RSRC1: variants seen among roughly 807,000 people sequenced by gnomAD.
RSRC1 encodes arginine and serine rich coiled-coil 1, also known as serine/Arginine-related protein 53.
RSRC1 carries 39 observed loss-of-function variants against 49.1 expected under a neutral mutation model. The observed-to-expected ratio is 0.79, with a 90% confidence interval of 0.61 to 1.04. The LOEUF (loss-of-function observed/expected upper bound fraction) is 1.04, where lower values mean the gene tolerates loss of function less well. Ranked by LOEUF, RSRC1 falls within the 50% of genes least tolerant of loss-of-function variation. The pLI is 0.00. For synonymous variants in RSRC1, 143 were observed against 130.8 expected (o/e 1.09, Z -0.63); for missense variants, 388 against 402.4 (o/e 0.96, Z 0.31).
At chr3:158,504,885 G>A (rs1479831745) in intron 7 of RSRC1, among the ~76,000 whole-genome samples, 1 of 152,178 alleles carries the variant, frequency 6.6e-6, no homozygotes, top group African/African-American at 2.4e-5. Flanking sequence ...TAGTTATTAA[G>A]TGTATTAGAT....
intron 6 of RSRC1, among the ~76,000 whole-genome samples, chr3:158,420,307 G>A (rs1734971603): frequency 1.3e-5 from 2 of 151,966 alleles, no homozygotes; most frequent in African/African-American, 4.8e-5. Context: ...AAATTTGGTT[G>A]AAAGTAGTAA....
chr3:158,145,524 G>T (rs1234631744), intron 3 of RSRC1, among the ~76,000 whole-genome samples: 2 of 152,068 alleles, frequency 1.3e-5, no homozygotes, highest in East Asian at 3.9e-4. Flanking sequence ...ATGCTGTTTT[G>T]GTTACTGTAA....
intron 6 of RSRC1, among the ~76,000 whole-genome samples, chr3:158,422,063 T>G (rs1263422460): frequency 2.4e-5 from 1 of 41,858 alleles, no homozygotes; most frequent in African/African-American, 1.0e-4. Flanking sequence ...AGTTTCAGTT[T>G]TTCTTTTTTA....
chr3:158,368,492 C>G (rs569187355), intron 6 of RSRC1, among the ~76,000 whole-genome samples: 3 of 152,320 alleles, frequency 2.0e-5, no homozygotes, highest in East Asian at 1.9e-4. Flanking sequence ...TGCGGGCTGA[C>G]AGGGAGCAGG....
At chr3:158,157,078 A>G (rs1717922707) in intron 3 of RSRC1, among the ~76,000 whole-genome samples, 1 of 152,204 alleles carries the variant, frequency 6.6e-6, no homozygotes, top group South Asian at 2.1e-4. Flanking sequence ...AGCACTTTTA[A>G]AAAGGGTTAG....
At chr3:158,188,842 T>C (rs1052306900) in intron 3 of RSRC1, among the ~76,000 whole-genome samples, 4 of 151,956 alleles carry the variant, frequency 2.6e-5, no homozygotes, top group Non-Finnish European at 5.9e-5. Context: ...CTTTTCTCTT[T>C]ATTTCTTTCC....
At chr3:158,543,515 A>C (rs1713153881) in intron 9 of RSRC1, 28 bp downstream of exon 9, 1 of 1,579,570 alleles carries the variant, frequency 6.3e-7, no homozygotes, top group Admixed American at 1.8e-5. Context: ...TACGAATGTC[A>C]GTTGAAGTCT....
intron 6 of RSRC1, among the ~76,000 whole-genome samples, chr3:158,396,280 C>G (rs1733605001): frequency 6.6e-6 from 1 of 151,942 alleles, no homozygotes; most frequent in Non-Finnish European, 1.5e-5. Flanking sequence ...GTTCACCAAA[C>G]CCCCATGACA....
At chr3:158,113,306 C>T (rs966413549) in intron 1 of RSRC1, among the ~76,000 whole-genome samples, 1 of 151,938 alleles carries the variant, frequency 6.6e-6, no homozygotes, top group Non-Finnish European at 1.5e-5. Flanking sequence ...ACATTCTCAC[C>T]AACAGTTTAT....
At chr3:158,410,712 T>G (rs908371086) in intron 6 of RSRC1, among the ~76,000 whole-genome samples, 14 of 152,196 alleles carry the variant, frequency 9.2e-5, no homozygotes, top group Non-Finnish European at 1.9e-4. Flanking sequence ...TATTCAGCAT[T>G]TATAATTGCC....
Position 158,316,438 on chromosome 3 carries a change from A to ATTTTTTTTTTTTTTTTTTTTTTTT in RSRC1, c.531+18366_531+18389dup, listed in dbSNP as rs564633575. 5.5e-5 allele frequency among the ~76,000 whole-genome samples: 4 copies of ATTTTTTTTTTTTTTTTTTTTTTTT among 72,240 alleles called. 1 individual carries two copies. Among genetic ancestry groups the ATTTTTTTTTTTTTTTTTTTTTTTT allele is most frequent in the African/African-American group, 1.3e-4 (2 of 15,694 alleles). The allele number at this position is 72,240 out of a possible 152,430, so 47.4% of individuals were successfully genotyped here. A position where few individuals can be genotyped will look rare whatever the true frequency, so the allele number is the denominator to read the frequency against. On this transcript the variant is annotated intron_variant, in intron 5 of 9. Transcript: ENST00000611884. ...TAATCAGTCCACTGCAGAATCTCTC[A>ATTTTTTTTTTTTTTTTTTTTTTTT]TTTTTTTTTTTTTTTTTTTTTTTTT...
At chr3:158,130,221 C>T (rs1715924585) in intron 3 of RSRC1, among the ~76,000 whole-genome samples, 1 of 152,158 alleles carries the variant, frequency 6.6e-6, no homozygotes, top group South Asian at 2.1e-4. Context: ...TGAATCCTGT[C>T]ATGAGGGCTC....
At chr3:158,416,177 TA>T (rs1467308803) in intron 6 of RSRC1, among the ~76,000 whole-genome samples, 4 of 141,932 alleles carry the variant, frequency 2.8e-5, no homozygotes, top group Admixed American at 1.4e-4. Flanking sequence ...TAGAGTCTTC[TA>T]TTTTTTTTTA....
chr3:158,145,168 G>A (rs1363921882), intron 3 of RSRC1, among the ~76,000 whole-genome samples: 3 of 152,106 alleles, frequency 2.0e-5, no homozygotes, highest in African/African-American at 7.2e-5. Context: ...GGCTTTTGTT[G>A]CCATTGCTTT....
At chr3:158,281,837 A>G (rs1173622543) in intron 4 of RSRC1, among the ~76,000 whole-genome samples, 3 of 152,188 alleles carry the variant, frequency 2.0e-5, no homozygotes, top group Admixed American at 6.5e-5. Context: ...GAGGGGAGAT[A>G]GGGTATGTGT....
intron 6 of RSRC1, among the ~76,000 whole-genome samples, chr3:158,413,730 A>G (rs1734594802): frequency 6.6e-6 from 1 of 152,194 alleles, no homozygotes; most frequent in African/African-American, 2.4e-5. Flanking sequence ...AAAAACATGA[A>G]AAAAACCTCA....
chr3:158,496,273 G>A (rs758768780), intron 7 of RSRC1, among the ~76,000 whole-genome samples: 1 of 152,118 alleles, frequency 6.6e-6, no homozygotes, highest in Admixed American at 6.6e-5. Flanking sequence ...TGTTTAAACA[G>A]GATAGACTAG....
chr3:158,406,811 G>A (rs1013282206), intron 6 of RSRC1, among the ~76,000 whole-genome samples: 1 of 152,020 alleles, frequency 6.6e-6, no homozygotes, highest in Non-Finnish European at 1.5e-5. Flanking sequence ...TCTGGTTTGG[G>A]GGGCAGTTTA....
chr3:158,275,931 T>G, intron 4 of RSRC1: 1 of 719,234 alleles, frequency 1.4e-6, no homozygotes, highest in Admixed American at 1.8e-5. Flanking sequence ...CCTGCAGATG[T>G]GAGCCCACAC....
Sources: gnomAD v4.1 joint callset for allele counts (sites outside exome capture counted in the v4.1 genomes callset) on GRCh38, gnomAD v4.1.1 for gene constraint, MANE v1.5 for transcripts, NCBI Gene and HGNC (gene_info 2026-07-23, HGNC 2026-07-21) for gene names.